The following DPYD variants were observed in gnomAD, a reference collection of about 807,000 sequenced individuals.
DPYD encodes dihydropyrimidine dehydrogenase.
Under a neutral mutation model 116.2 loss-of-function variants are expected in DPYD, and 109 were observed. The observed-to-expected ratio is 0.94, with a 90% confidence interval of 0.80 to 1.10. The LOEUF (loss-of-function observed/expected upper bound fraction) is 1.10, where lower values mean the gene tolerates loss of function less well. Ranked by LOEUF, DPYD falls within the 50% of genes least tolerant of loss-of-function variation. DPYD has a pLI of 0.00. For synonymous variants in DPYD, 440 were observed against 432.0 expected (o/e 1.02, Z -0.23); for missense variants, 1,302 against 1,254.5 (o/e 1.04, Z -0.57).
At chr1:97,481,572 A>G (rs181201221) in intron 13 of DPYD, among the ~76,000 whole-genome samples, 2 of 152,322 alleles carry the variant, frequency 1.3e-5, no homozygotes, top group Non-Finnish European at 2.9e-5. Flanking sequence ...TATATAATCC[A>G]TACTCTGAGA....
At chr1:97,600,008 G>A (rs1027038881) in intron 8 of DPYD, among the ~76,000 whole-genome samples, 11 of 151,554 alleles carry the variant, frequency 7.3e-5, no homozygotes, top group Admixed American at 6.6e-5. Flanking sequence ...TCGCACCACT[G>A]CACTCCAGGC....
rs369199925 is a variant in DPYD, at chr1:97,622,652, C to A, written c.851-27486G>T. On this transcript the variant is annotated intron_variant, in intron 8 of 22. Transcript: ENST00000370192. ...ATACTATACTAATGTAAGGTGCTAA[C>A]AAGAGAGGAAACTGAATGTGGACTC... Among the ~76,000 whole-genome samples, 216 of 152,060 alleles carry A rather than the reference C, an allele frequency of 1.4e-3. 1 individual carries two copies. Among genetic ancestry groups the A allele is most frequent in the African/African-American group, 5.0e-3 (209 of 41,490 alleles).
chr1:97,577,490 G>A (rs891593352), intron 10 of DPYD, among the ~76,000 whole-genome samples: 2 of 152,026 alleles, frequency 1.3e-5, no homozygotes, highest in Non-Finnish European at 2.9e-5. Flanking sequence ...TAACGCCCTG[G>A]ACCCATAAAT....
chr1:97,834,205 T>C (rs1264862503), intron 2 of DPYD, among the ~76,000 whole-genome samples: 1 of 152,064 alleles, frequency 6.6e-6, no homozygotes, highest in Non-Finnish European at 1.5e-5. Context: ...AGTTCAAACA[T>C]CAAATTTCTA....
chr1:97,838,601 T>C (rs7552188), intron 2 of DPYD, among the ~76,000 whole-genome samples: 112,494 of 151,590 alleles, frequency 0.74, 42,016 homozygotes, highest in East Asian at 0.93. Flanking sequence ...ATCCCAGCAC[T>C]TTGGGAGGCC....
At chr1:97,872,423 T>C (rs1264556767) in intron 2 of DPYD, among the ~76,000 whole-genome samples, 1 of 151,618 alleles carries the variant, frequency 6.6e-6, no homozygotes, top group Non-Finnish European at 1.5e-5. Context: ...TACAAACGAG[T>C]TTAATTTGTG....
At chr1:97,879,803 T>C (rs1672102195) in intron 2 of DPYD, among the ~76,000 whole-genome samples, 1 of 152,070 alleles carries the variant, frequency 6.6e-6, no homozygotes, top group South Asian at 2.1e-4. Context: ...GATTTTAGAC[T>C]ACTTATTTTG....
At chr1:97,556,680 T>A (rs893053412) in intron 11 of DPYD, among the ~76,000 whole-genome samples, 1 of 151,060 alleles carries the variant, frequency 6.6e-6, no homozygotes, top group South Asian at 2.1e-4. Context: ...ACAAAAGACA[T>A]GAACTCATCA....
intron 2 of DPYD, among the ~76,000 whole-genome samples, chr1:97,853,995 T>C (rs1292708344): frequency 6.6e-6 from 1 of 152,230 alleles, no homozygotes; most frequent in Non-Finnish European, 1.5e-5. Context: ...TATTGCTTTG[T>C]CTCATCTTCC....
chr1:97,864,358 T>C (rs1262732229), intron 2 of DPYD, among the ~76,000 whole-genome samples: 1 of 151,884 alleles, frequency 6.6e-6, no homozygotes, highest in Non-Finnish European at 1.5e-5. Context: ...GAAATCTTAG[T>C]TGAAGCCTGA....
At chr1:97,830,002 G>A (rs565720067) in intron 2 of DPYD, among the ~76,000 whole-genome samples, 7 of 151,748 alleles carry the variant, frequency 4.6e-5, no homozygotes, top group South Asian at 2.1e-4. Flanking sequence ...TGCTGTGTTC[G>A]GTTTTCTCTC....
intron 18 of DPYD, among the ~76,000 whole-genome samples, chr1:97,281,780 C>A (rs528802020): frequency 6.6e-6 from 1 of 152,090 alleles, no homozygotes; most frequent in African/African-American, 2.4e-5. Flanking sequence ...TTAGGACACA[C>A]AGGGAATAAT....
intron 16 of DPYD, among the ~76,000 whole-genome samples, chr1:97,316,188 C>G (rs1219760766): frequency 1.3e-5 from 2 of 151,748 alleles, no homozygotes; most frequent in Non-Finnish European, 2.9e-5. Context: ...AATGACAAAC[C>G]CTTTAAAACA....
chr1:97,674,675 A>G (rs1660046627), intron 8 of DPYD, among the ~76,000 whole-genome samples: 1 of 151,832 alleles, frequency 6.6e-6, no homozygotes, highest in Non-Finnish European at 1.5e-5. Context: ...AAAAAAAGGA[A>G]CTATACCCAT....
intron 14 of DPYD, among the ~76,000 whole-genome samples, chr1:97,420,723 G>A (rs1055094698): frequency 5.3e-5 from 8 of 152,052 alleles, no homozygotes; most frequent in Admixed American, 6.6e-5. Context: ...TGTAGTTCCC[G>A]GTTGTGAAAT....
intron 16 of DPYD, among the ~76,000 whole-genome samples, chr1:97,344,975 C>A (rs1036477394): frequency 6.6e-6 from 1 of 151,932 alleles, no homozygotes; most frequent in African/African-American, 2.4e-5. Flanking sequence ...TCCCCACACT[C>A]TCTATAGCAC....
chr1:97,900,902 T>C (rs111711976), intron 1 of DPYD, among the ~76,000 whole-genome samples: 4,947 of 151,970 alleles, frequency 0.033, 126 homozygotes, highest in Middle Eastern at 0.065. Flanking sequence ...TCTCTATTAA[T>C]ATTCTAACTT....
intron 8 of DPYD, among the ~76,000 whole-genome samples, chr1:97,658,548 A>G (rs1026314705): frequency 2.0e-5 from 3 of 152,130 alleles, no homozygotes; most frequent in Non-Finnish European, 4.4e-5. Flanking sequence ...TCCTGATATT[A>G]AATTATAAGG....
At chr1:97,664,923 T>C (rs1384070458) in intron 8 of DPYD, among the ~76,000 whole-genome samples, 1 of 152,102 alleles carries the variant, frequency 6.6e-6, no homozygotes, top group African/African-American at 2.4e-5. Context: ...TGGAAAGCAG[T>C]TGCAGAAAAA....
Sources: allele counts gnomAD v4.1 joint callset (sites outside exome capture counted in the v4.1 genomes callset), GRCh38; gene constraint gnomAD v4.1.1; transcripts MANE v1.5; gene names NCBI Gene and HGNC (gene_info 2026-07-23, HGNC 2026-07-21).